Variants in SNX2 observed in about 807,000 individuals in gnomAD.
The protein encoded by SNX2 is sorting nexin 2.
SNX2 carries 25 observed loss-of-function variants against 69.9 expected under a neutral mutation model. The ratio of observed to expected loss-of-function variants is 0.36; its 90% CI spans 0.26 to 0.50. SNX2 has a LOEUF of 0.50. SNX2 is among the 20% of genes least tolerant of loss of function. The pLI is 0.97. For missense variants in SNX2, 551 were observed against 613.3 expected, an observed-to-expected ratio of 0.90 and a Z score of 1.07; for synonymous variants, 229 against 200.4, an observed-to-expected ratio of 1.14 and a Z score of -1.20.
intron 4 of SNX2, 62 bp downstream of exon 4, chr5:122,801,997 T>C: frequency 6.6e-7 from 1 of 1,521,724 alleles, no homozygotes; most frequent in Non-Finnish European, 9.1e-7. Context: ...TTTGTATGGT[T>C]TTTCTTCATA....
intron 6 of SNX2, among the ~76,000 whole-genome samples, chr5:122,806,134 A>ATGCGCGCGCG (rs142218645): frequency 4.1e-5 from 5 of 121,466 alleles, no homozygotes; most frequent in East Asian, 2.5e-4. Flanking sequence ...ATATATACAC[A>ATGCGCGCGCG]CGCGCGCGCA....
chr5:122,785,614 A>G (rs1753067817), intron 1 of SNX2, among the ~76,000 whole-genome samples: 2 of 152,172 alleles, frequency 1.3e-5, no homozygotes. Flanking sequence ...AATAATTTCT[A>G]GTTTCTCTTG....
chr5:122,818,571 G>T (rs1216381461), intron 10 of SNX2, among the ~76,000 whole-genome samples: 1 of 152,140 alleles, frequency 6.6e-6, no homozygotes, highest in African/African-American at 2.4e-5. Context: ...TATATTAAAT[G>T]ATTTAAACAT....
intron 12 of SNX2, among the ~76,000 whole-genome samples, chr5:122,827,132 G>A (rs1455086850): frequency 1.3e-5 from 2 of 152,034 alleles, no homozygotes; most frequent in African/African-American, 2.4e-5. Context: ...GGACATTGTA[G>A]TTTATTAAGT....
intron 2 of SNX2, among the ~76,000 whole-genome samples, chr5:122,798,994 G>C (rs192525020): frequency 1.4e-3 from 209 of 152,204 alleles, no homozygotes; most frequent in Non-Finnish European, 2.5e-3. Context: ...AACTCTCTGA[G>C]GGCAGGTATG....
At chr5:122,791,284 C>T (rs1030783425) in intron 1 of SNX2, among the ~76,000 whole-genome samples, 6 of 151,958 alleles carry the variant, frequency 3.9e-5, no homozygotes, top group East Asian at 1.9e-4. Flanking sequence ...CCACCATGCC[C>T]GGCTACTTTT....
intron 1 of SNX2, 79 bp downstream of exon 1, chr5:122,775,290 C>T: frequency 4.1e-6 from 6 of 1,468,878 alleles, no homozygotes; most frequent in Non-Finnish European, 3.6e-6. Flanking sequence ...CTTGTCCCTC[C>T]CCATCCCCCG....
rs1754271873 is a variant in SNX2, at chr5:122,830,907, G to T, written c.*1259G>T. On this transcript the variant is annotated 3_prime_UTR_variant, in exon 15 of 15. Coordinates refer to ENST00000379516, the MANE Select transcript of SNX2 (RefSeq NM_003100.4). ...GCTTGTGGTCCCAGCTACTTGGGAG[G>T]CTGAGGCACAAGAATCGCTTGAACC... is the stretch of plus-strand genomic sequence containing the variant. Among the ~76,000 whole-genome samples the T allele has an allele frequency of 6.6e-6, 1 of 151,094 alleles. No homozygotes were observed. The highest frequency in any genetic ancestry group is 2.1e-4 in the South Asian group (1 of 4,816).
chr5:122,825,661 T>A (rs1754135085), intron 11 of SNX2, among the ~76,000 whole-genome samples: 1 of 152,082 alleles, frequency 6.6e-6, no homozygotes, highest in South Asian at 2.1e-4. Context: ...TTCTAATACT[T>A]AATATGCTTC....
chr5:122,783,538 T>G (rs1753020236), intron 1 of SNX2, among the ~76,000 whole-genome samples: 1 of 152,178 alleles, frequency 6.6e-6, no homozygotes, highest in African/African-American at 2.4e-5. Flanking sequence ...TCCAGCACCA[T>G]TTGTTGAAAG....
intron 11 of SNX2, 118 bp downstream of exon 11, chr5:122,819,141 C>T: frequency 1.4e-6 from 1 of 735,670 alleles, no homozygotes; most frequent in Admixed American, 2.8e-5. Context: ...AATAAAATGG[C>T]TTCAAGATAA....
chr5:122,802,109 T>C lies in SNX2; in HGVS notation c.486T>C (p.Tyr162=), dbSNP rs1216573143. ...VGDGMNAYMA[Y]RVTTKTSLSM... ...ATGGCATGAATGCCTATATGGCATA[T>C]AGAGTAACAACAAAGGTGAGCTTTT... is the stretch of plus-strand genomic sequence containing the variant. The change falls in exon 5 of 15, where the codon TAT becomes TAC. Residue 162 remains tyrosine, a synonymous_variant. Transcript: ENST00000379516. 5.0e-6 allele frequency: 8 copies of C among 1,613,710 alleles called. No individual in the cohort carries two copies. Among genetic ancestry groups the C allele is most frequent in the Non-Finnish European group, 6.8e-6 (8 of 1,179,800 alleles).
At chr5:122,812,598 T>C (rs546740919) in intron 7 of SNX2, among the ~76,000 whole-genome samples, 1 of 152,344 alleles carries the variant, frequency 6.6e-6, no homozygotes, top group Non-Finnish European at 1.5e-5. Flanking sequence ...CATTGTTCTG[T>C]CTTTTTTTCC....
At chr5:122,806,792 TG>T (rs1365679307) in intron 6 of SNX2, among the ~76,000 whole-genome samples, 1 of 152,062 alleles carries the variant, frequency 6.6e-6, no homozygotes. Context: ...CAGAGGTAGT[TG>T]TAGTTTTAGG....
intron 1 of SNX2, chr5:122,775,686 C>T: frequency 1.0e-6 from 1 of 986,236 alleles, no homozygotes; most frequent in Non-Finnish European, 1.2e-6. Context: ...CGAATGGGTG[C>T]ACTTTCCCAG....
chr5:122,819,098 T>C, intron 11 of SNX2, 75 bp downstream of exon 11: 1 of 1,154,638 alleles, frequency 8.7e-7, no homozygotes, highest in Non-Finnish European at 1.2e-6. Flanking sequence ...TAATTATGTA[T>C]TTACATGTCT....
At position 122,834,521 on chromosome 5, in the gene SNX2, AAGTC is replaced by A. The variant is rs768382186; in HGVS notation, c.*4876_*4879del. On this transcript the variant is annotated 3_prime_UTR_variant, in exon 15 of 15. Transcript: ENST00000379516. The stretch of plus-strand genomic sequence containing the variant: ...TATACATGTAACTTTAATAAAAACT[AAGTC>A]AGACAAAATTTAACAAAACTAAATT... The A allele has an allele frequency of 4.6e-5, 7 of 152,238 alleles. No homozygotes were observed. The highest frequency in any genetic ancestry group is 1.9e-4 in the East Asian group (1 of 5,200). 9.4% of individuals were successfully genotyped at this position (152,238 alleles called of 1,614,324 possible).
chr5:122,787,210 G>T (rs1753109790), intron 1 of SNX2, among the ~76,000 whole-genome samples: 1 of 152,088 alleles, frequency 6.6e-6, no homozygotes, highest in Non-Finnish European at 1.5e-5. Context: ...GTAGGTTTTT[G>T]CAACCTTTAA....
chr5:122,827,895 T>C (rs1754191305), intron 14 of SNX2: 3 of 371,380 alleles, frequency 8.1e-6, no homozygotes, highest in Non-Finnish European at 1.4e-5. Flanking sequence ...ATCAGAAACC[T>C]CATGGGCAAC....
Sources: allele counts gnomAD v4.1 joint callset (sites outside exome capture counted in the v4.1 genomes callset), GRCh38; gene constraint gnomAD v4.1.1; transcripts MANE v1.5; gene names NCBI Gene and HGNC (gene_info 2026-07-23, HGNC 2026-07-21).